AMY2B: variants seen among roughly 807,000 people sequenced by gnomAD.
AMY2B encodes the protein amylase alpha 2B.
A neutral mutation model predicts 59.3 loss-of-function variants in AMY2B; 63 were observed. The ratio of observed to expected loss-of-function variants is 1.06; its 90% CI spans 0.87 to 1.31. The LOEUF is 1.31. Ranked by LOEUF, AMY2B falls within the 50% of genes most tolerant of loss-of-function variation. The pLI, the probability that AMY2B is intolerant of heterozygous loss-of-function variation, is 0.00. For synonymous variants in AMY2B, 180 were observed against 198.1 expected (o/e 0.91, Z 0.77); for missense variants, 635 against 626.7 (o/e 1.01, Z -0.14).
At chr1:103,576,235 C>A (rs527444530) in intron 7 of AMY2B, among the ~76,000 whole-genome samples, 10 of 152,122 alleles carry the variant, frequency 6.6e-5, no homozygotes, top group Non-Finnish European at 1.5e-4. Flanking sequence ...GACTTCAGAT[C>A]TAAAGCAGAA....
chr1:103,563,207 T>G (rs1208641458), intron 1 of AMY2B, among the ~76,000 whole-genome samples: 5 of 152,124 alleles, frequency 3.3e-5, no homozygotes, highest in South Asian at 2.1e-4. Flanking sequence ...TATTATCAAA[T>G]GTCCTATTTC....
upstream of AMY2B, among the ~76,000 whole-genome samples, chr1:103,566,704 T>C (rs1329860960): frequency 3.3e-5 from 5 of 152,140 alleles, no homozygotes; most frequent in Admixed American, 2.6e-4. Flanking sequence ...ATCAGACTTA[T>C]TATCAAATCC....
chr1:103,570,718 T>G, upstream of AMY2B: 1 of 537,856 alleles, frequency 1.9e-6, no homozygotes, highest in African/African-American at 1.9e-5. Flanking sequence ...ATGGGTTAAT[T>G]CAGAAGTAAA....
At chr1:103,573,593 A>C in intron 3 of AMY2B, 115 bp from the exon 4 acceptor site, 1 of 1,482,272 alleles carries the variant, frequency 6.7e-7, no homozygotes, top group Non-Finnish European at 9.3e-7. Context: ...GCCCAATGCA[A>C]GGAAGTCACT....
At chr1:103,574,061 T>G in intron 4 of AMY2B, 123 bp downstream of exon 4, 2 of 1,550,470 alleles carry the variant, frequency 1.3e-6, no homozygotes, top group Non-Finnish European at 1.7e-6. Context: ...ATGGTGTTCT[T>G]TAACCTCCTC....
chr1:103,577,646 A>G lies in AMY2B; in HGVS notation c.1220+38A>G, dbSNP rs770875367. On this transcript the variant is annotated intron_variant, in intron 8 of 9. Transcript: ENST00000684275. ...ATTTAGACATGTCCTCTAATAGTAAACTTTCCATTGCATTTTATTTAAAAC... is the reference window on the plus strand; with the variant it reads ...ATTTAGACATGTCCTCTAATAGTAAGCTTTCCATTGCATTTTATTTAAAAC... 6 of 1,611,732 alleles carry G rather than the reference A, an allele frequency of 3.7e-6. No homozygotes were observed. The Admixed American group carries it at 1.0e-4, about 27-fold the overall frequency.
chr1:103,557,010 A>C (rs1420427085), intron 1 of AMY2B, among the ~76,000 whole-genome samples: 2 of 151,952 alleles, frequency 1.3e-5, no homozygotes, highest in Non-Finnish European at 2.9e-5. Flanking sequence ...AAGAGATACA[A>C]CTGATGATTT....
At chr1:103,569,576 G>A (rs1652038321), upstream of AMY2B, 2 of 372,332 alleles carry the variant, frequency 5.4e-6, no homozygotes, top group East Asian at 9.2e-5. Context: ...TTGCCGTACT[G>A]GTGATTGACA....
At chr1:103,579,052 G>T (rs1652473271) in intron 9 of AMY2B, among the ~76,000 whole-genome samples, 1 of 152,084 alleles carries the variant, frequency 6.6e-6, no homozygotes, top group South Asian at 2.1e-4. Context: ...GACCATTCCT[G>T]CCAATCTTCA....
chr1:103,576,168 T>C (rs1652344797), intron 7 of AMY2B, among the ~76,000 whole-genome samples: 1 of 152,126 alleles, frequency 6.6e-6, no homozygotes, highest in African/African-American at 2.4e-5. Flanking sequence ...TGTACAGATA[T>C]TTGGAAAGCT....
chr1:103,569,418 G>T (rs1223188303), upstream of AMY2B: 10 of 214,862 alleles, frequency 4.7e-5, no homozygotes, highest in African/African-American at 2.4e-4. Context: ...GTGTGTGTGT[G>T]TGTGTGTGTG....
intron 7 of AMY2B, among the ~76,000 whole-genome samples, chr1:103,576,169 T>A (rs1343322384): frequency 6.6e-6 from 1 of 152,138 alleles, no homozygotes; most frequent in Non-Finnish European, 1.5e-5. Context: ...GTACAGATAT[T>A]TGGAAAGCTA....
At chr1:103,560,006 A>G (rs1651683201) in intron 1 of AMY2B, among the ~76,000 whole-genome samples, 1 of 152,180 alleles carries the variant, frequency 6.6e-6, no homozygotes, top group Non-Finnish European at 1.5e-5. Context: ...GGAAATGTTC[A>G]TATTAACAAG....
rs749967894 is a variant in AMY2B at position 103,577,737 on chromosome 1, G to A, written c.1238G>A (p.Arg413His). 35 of 1,610,978 alleles carry A rather than the reference G, an allele frequency of 2.2e-5. No individual in the cohort carries two copies. Among genetic ancestry groups the A allele is most frequent in the East Asian group, 4.5e-5 (2 of 44,872 alleles). Residue 413 changes from arginine (R) to histidine (H), a missense_variant, in exon 9 of 10, where the codon CGC becomes CAC. Coordinates refer to ENST00000684275, the MANE Select transcript of AMY2B (RefSeq NM_001387437.1). ...GTTTTTAGGAACATGGTTAATTTCC[G>A]CAATGTAGTGGATGGCCAGCCTTTT... ...WRQIRNMVNFRNVVDGQPFTN... is the reference protein window; with the variant it reads ...WRQIRNMVNFHNVVDGQPFTN...
chr1:103,565,355 G>A (rs1158024528), intron 1 of AMY2B: 1 of 152,126 alleles, frequency 6.6e-6, no homozygotes, highest in Non-Finnish European at 1.5e-5. Flanking sequence ...TAGTTACATT[G>A]TTTAGGGAAT....
At position 103,573,232 on chromosome 1, in the gene AMY2B, A is replaced by G. The variant is rs766587639; in HGVS notation, c.485A>G (p.Asp162Gly). The change falls in exon 3 of 10, where the codon GAT becomes GGT. Residue 162 changes from aspartate (D) to glycine (G), a missense_variant. Transcript: ENST00000684275. ...NDGKCKTGSG[D>G]IENYNDATQV... The stretch of plus-strand genomic sequence containing the variant: ...GGTAAATGTAAAACTGGAAGTGGAG[A>G]TATCGAGAACTACAATGATGCTACT... 5.6e-6 allele frequency: 9 copies of G among 1,613,658 alleles called. No individual in the cohort carries two copies. The East Asian group carries it at 1.6e-4, about 28-fold the overall frequency.
chr1:103,576,568 G>A (rs556596546), intron 7 of AMY2B, among the ~76,000 whole-genome samples: 1 of 151,966 alleles, frequency 6.6e-6, no homozygotes, highest in Non-Finnish European at 1.5e-5. Flanking sequence ...AAACTTCCTA[G>A]GGTTACTCTG....
chr1:103,558,780 G>C (rs76493054), intron 1 of AMY2B, among the ~76,000 whole-genome samples: 9 of 143,524 alleles, frequency 6.3e-5, no homozygotes, highest in African/African-American at 1.8e-4. Context: ...AAAAAAAAAA[G>C]CTGTCATTAA....
At chr1:103,562,408 T>C (rs1349127289) in intron 1 of AMY2B, among the ~76,000 whole-genome samples, 1 of 152,198 alleles carries the variant, frequency 6.6e-6, no homozygotes, top group African/African-American at 2.4e-5. Flanking sequence ...TTATTTTATT[T>C]TCAAAAGAAA....
Sources: allele counts gnomAD v4.1 joint callset (sites outside exome capture counted in the v4.1 genomes callset), GRCh38; gene constraint gnomAD v4.1.1; transcripts MANE v1.5; gene names NCBI Gene and HGNC (gene_info 2026-07-23, HGNC 2026-07-21).